The following FRAS1 variants were observed in gnomAD, a reference collection of about 807,000 sequenced individuals.
The protein encoded by FRAS1 is extracellular matrix organizing protein FRAS1.
A neutral mutation model predicts 435.2 loss-of-function variants in FRAS1; 290 were observed. The observed-to-expected ratio is 0.67, with a 90% CI of 0.61 to 0.73. FRAS1 has a LOEUF of 0.73. Among genes scored for constraint, FRAS1 ranks in the 30% least tolerant of loss-of-function variants. The pLI, the probability that FRAS1 is intolerant of heterozygous loss-of-function variation, is 0.00. For synonymous variants in FRAS1, 1,800 were observed against 1,851.0 expected, an observed-to-expected ratio of 0.97 and a Z score of 0.71; for missense variants, 4,860 against 5,001.5, an observed-to-expected ratio of 0.97 and a Z score of 0.85.
intron 2 of FRAS1, among the ~76,000 whole-genome samples, chr4:78,158,096 A>G (rs1018173838): frequency 6.6e-6 from 1 of 152,142 alleles, no homozygotes; most frequent in Non-Finnish European, 1.5e-5. Context: ...GTATACTTTG[A>G]AGTTAGGTAA....
chr4:78,111,752 T>TAAA (rs564909222), intron 2 of FRAS1, among the ~76,000 whole-genome samples: 98 of 104,656 alleles, frequency 9.4e-4, no homozygotes, highest in Middle Eastern at 4.8e-3. Flanking sequence ...TAGAGTATAA[T>TAAA]AAAAAAAAAA....
intron 2 of FRAS1, among the ~76,000 whole-genome samples, chr4:78,158,160 G>T (rs950496665): frequency 2.6e-5 from 4 of 152,060 alleles, no homozygotes; most frequent in Non-Finnish European, 4.4e-5. Flanking sequence ...TGCTATTTGG[G>T]TTCTTTTTTG....
intron 1 of FRAS1, among the ~76,000 whole-genome samples, chr4:78,063,956 C>T (rs1193246383): frequency 6.6e-6 from 1 of 151,766 alleles, no homozygotes; most frequent in Non-Finnish European, 1.5e-5. Flanking sequence ...TTAAATATGT[C>T]CATATAAGTA....
intron 47 of FRAS1, among the ~76,000 whole-genome samples, chr4:78,460,686 G>A (rs1578338012): frequency 6.6e-6 from 1 of 152,162 alleles, no homozygotes; most frequent in African/African-American, 2.4e-5. Flanking sequence ...CATATAGCCT[G>A]TTACTCTTAG....
At chr4:78,316,141 A>G (rs915820365) in intron 16 of FRAS1, among the ~76,000 whole-genome samples, 4 of 152,264 alleles carry the variant, frequency 2.6e-5, no homozygotes, top group African/African-American at 4.8e-5. Context: ...ACCAAGTTTG[A>G]TAGCTAGTAA....
At chr4:78,289,848 A>C (rs1727801555) in intron 14 of FRAS1, among the ~76,000 whole-genome samples, 2 of 151,678 alleles carry the variant, frequency 1.3e-5, no homozygotes, top group South Asian at 4.2e-4. Flanking sequence ...CCACCACAAT[A>C]CTTGACCTTG....
rs201115151 is a variant in FRAS1 at position 78,281,717 on chromosome 4, TC to T, written c.1107+285del. Reference sequence around the variant, plus strand: ...CTTGTGATGTTTTTCTCTCCCTGATTCTTTTCTGGCCTAGAAAACTCAGTTT... The same window carrying T: ...CTTGTGATGTTTTTCTCTCCCTGATTTTTTCTGGCCTAGAAAACTCAGTTT... On this transcript the variant is annotated intron_variant, in intron 11 of 73. Transcript: ENST00000512123. Among the ~76,000 whole-genome samples the T allele has an allele frequency of 3.8e-3, 578 of 152,326 alleles. 3 individuals carry two copies. Among genetic ancestry groups the T allele is most frequent in the African/African-American group, 0.013 (539 of 41,576 alleles).
chr4:78,527,597 T>C (rs958036750), intron 70 of FRAS1, among the ~76,000 whole-genome samples: 5 of 152,172 alleles, frequency 3.3e-5, no homozygotes, highest in Admixed American at 1.3e-4. Flanking sequence ...GAATTGGCTA[T>C]TGGATTCGTC....
chr4:78,110,461 T>A (rs1344824661), intron 2 of FRAS1, among the ~76,000 whole-genome samples: 1 of 91,692 alleles, frequency 1.1e-5, no homozygotes, highest in Non-Finnish European at 2.1e-5. Context: ...TCTACAACTA[T>A]CTGATCTTTG....
rs148489931 is a variant in FRAS1, at chr4:78,237,688, A to G, written c.216+71A>G. 9.5e-4 allele frequency: 726 copies of G among 764,930 alleles called. 6 individuals are homozygous for G. In the African/African-American group the frequency reaches 0.011, roughly 12 times the overall value. The allele number at this position is 764,930 out of a possible 1,614,324, so 47.4% of individuals were successfully genotyped here. ...AAGGGTCAGGTTTTTGGATCATTTC[A>G]GACATCTGTTTTTGACATTTATTCT... On this transcript the variant is annotated intron_variant, in intron 3 of 73. Coordinates refer to ENST00000512123, the MANE Select transcript of FRAS1 (RefSeq NM_025074.7).
At chr4:78,505,959 T>C (rs1349797337) in intron 61 of FRAS1, among the ~76,000 whole-genome samples, 1 of 152,222 alleles carries the variant, frequency 6.6e-6, no homozygotes, top group African/African-American at 2.4e-5. Context: ...TCCTTTCTGT[T>C]TGTTAGTTTT....
intron 2 of FRAS1, among the ~76,000 whole-genome samples, chr4:78,150,806 C>T (rs1335946011): frequency 1.3e-5 from 2 of 152,118 alleles, no homozygotes; most frequent in Admixed American, 6.6e-5. Flanking sequence ...ACACTGAACC[C>T]GTATAAGAAA....
At position 78,097,635 on chromosome 4, in the gene FRAS1, T is replaced by A. The variant is rs543230745; in HGVS notation, c.108+31619T>A. ...AGGGAAACTTCCATTTTTAAAACCA[T>A]CAGATCATATGAGACTTATTCACTA... On this transcript the variant is annotated intron_variant, in intron 2 of 73. Coordinates refer to ENST00000512123, the MANE Select transcript of FRAS1 (RefSeq NM_025074.7). Among the ~76,000 whole-genome samples, 3 of 151,298 alleles carry A rather than the reference T, an allele frequency of 2.0e-5. No homozygotes were observed. In the East Asian group the frequency reaches 5.8e-4, roughly 29 times the overall value.
At chr4:78,214,629 T>C (rs1205821588) in intron 2 of FRAS1, among the ~76,000 whole-genome samples, 1 of 152,190 alleles carries the variant, frequency 6.6e-6, no homozygotes, top group Non-Finnish European at 1.5e-5. Context: ...CTGTGAAAAG[T>C]GTTTTTGATT....
At chr4:78,275,733 T>C (rs1726979657) in intron 9 of FRAS1, among the ~76,000 whole-genome samples, 2 of 152,228 alleles carry the variant, frequency 1.3e-5, no homozygotes, top group African/African-American at 4.8e-5. Flanking sequence ...CCTTTCTCTC[T>C]GACCGCCCTT....
At chr4:78,316,076 A>G (rs1171721784) in intron 16 of FRAS1, among the ~76,000 whole-genome samples, 1 of 152,234 alleles carries the variant, frequency 6.6e-6, no homozygotes, top group Non-Finnish European at 1.5e-5. Flanking sequence ...CTTTTATGAC[A>G]TAGGTCATAT....
At chr4:78,273,185 T>G (rs548324162) in intron 9 of FRAS1, among the ~76,000 whole-genome samples, 5 of 152,264 alleles carry the variant, frequency 3.3e-5, no homozygotes, top group African/African-American at 7.2e-5. Flanking sequence ...CTTTGCTGAA[T>G]TTGCTTATGA....
chr4:78,150,163 A>G (rs115656629), intron 2 of FRAS1, among the ~76,000 whole-genome samples: 158 of 152,356 alleles, frequency 1.0e-3, no homozygotes, highest in African/African-American at 3.7e-3. Context: ...GGAAGGCCCC[A>G]GAGCTTGTAA....
intron 55 of FRAS1, 86 bp from the exon 56 acceptor site, chr4:78,479,288 G>A: frequency 1.2e-6 from 1 of 860,146 alleles, no homozygotes; most frequent in Non-Finnish European, 1.7e-6. Flanking sequence ...TGTTTGGGAG[G>A]GACCAAGCTC....
Sources: gnomAD v4.1 joint callset for allele counts (sites outside exome capture counted in the v4.1 genomes callset) on GRCh38, gnomAD v4.1.1 for gene constraint, MANE v1.5 for transcripts, NCBI Gene and HGNC (gene_info 2026-07-23, HGNC 2026-07-21) for gene names.